Variants in PCDH9 observed in about 807,000 individuals in gnomAD.
PCDH9 encodes the protein protocadherin 9.
A neutral mutation model predicts 70.6 loss-of-function variants in PCDH9; 24 were observed. The ratio of observed to expected loss-of-function variants is 0.34; its 90% CI spans 0.25 to 0.48. PCDH9 has a LOEUF of 0.48. Ranked by LOEUF, PCDH9 falls within the 20% of genes least tolerant of loss-of-function variation. The pLI is 0.99. For synonymous variants in PCDH9, 562 were observed against 558.5 expected (o/e 1.01, Z -0.09); for missense variants, 1,281 against 1,503.6 (o/e 0.85, Z 2.45).
chr13:66,695,609 T>C (rs2078551784), intron 3 of PCDH9, among the ~76,000 whole-genome samples: 1 of 152,220 alleles, frequency 6.6e-6, no homozygotes, highest in African/African-American at 2.4e-5. Flanking sequence ...TACTGTGCTA[T>C]CCCTATCTTA....
chr13:66,547,388 A>G (rs1011287381), intron 4 of PCDH9, among the ~76,000 whole-genome samples: 2 of 152,196 alleles, frequency 1.3e-5, no homozygotes, highest in Admixed American at 1.3e-4. Flanking sequence ...GTTCAAATCA[A>G]CAGAGTCTAT....
intron 4 of PCDH9, among the ~76,000 whole-genome samples, chr13:66,337,078 T>G (rs1956049344): frequency 6.6e-6 from 1 of 152,014 alleles, no homozygotes; most frequent in Non-Finnish European, 1.5e-5. Context: ...GAATATAAAT[T>G]AACATCAGAT....
At chr13:66,449,664 C>T (rs922722188) in intron 4 of PCDH9, among the ~76,000 whole-genome samples, 1 of 152,056 alleles carries the variant, frequency 6.6e-6, no homozygotes, top group East Asian at 1.9e-4. Flanking sequence ...AAGATCAAGA[C>T]CCCGTTGGCA....
At chr13:67,107,021 G>T (rs952741658) in intron 2 of PCDH9, among the ~76,000 whole-genome samples, 2 of 152,144 alleles carry the variant, frequency 1.3e-5, no homozygotes, top group Non-Finnish European at 2.9e-5. Flanking sequence ...AACAGCCGGG[G>T]CACCATGGAC....
intron 2 of PCDH9, among the ~76,000 whole-genome samples, chr13:67,016,735 C>G (rs9540971): frequency 0.077 from 11,679 of 152,176 alleles, 612 homozygotes; most frequent in Non-Finnish European, 0.12. Context: ...GCACATTTGA[C>G]TTGTTTCATA....
intron 3 of PCDH9, among the ~76,000 whole-genome samples, chr13:66,728,974 T>A (rs1367956164): frequency 6.6e-6 from 1 of 152,096 alleles, no homozygotes; most frequent in Non-Finnish European, 1.5e-5. Flanking sequence ...TAATAATCAC[T>A]TAATTTTCAT....
intron 3 of PCDH9, among the ~76,000 whole-genome samples, chr13:66,659,520 C>T (rs10162277): frequency 0.57 from 85,523 of 150,716 alleles, 24,590 homozygotes; most frequent in African/African-American, 0.65. Context: ...TGTGGTTTAT[C>T]CCTCCACTTA....
chr13:67,073,049 A>G (rs2085800537), intron 2 of PCDH9, among the ~76,000 whole-genome samples: 1 of 152,202 alleles, frequency 6.6e-6, no homozygotes. Flanking sequence ...AACATGTTCA[A>G]TTGATTCGCT....
At chr13:66,706,292 T>C (rs907878470) in intron 3 of PCDH9, among the ~76,000 whole-genome samples, 2 of 152,230 alleles carry the variant, frequency 1.3e-5, no homozygotes, top group Non-Finnish European at 2.9e-5. Flanking sequence ...CTAGGCTAGA[T>C]TCATAAACTA....
intron 2 of PCDH9, among the ~76,000 whole-genome samples, chr13:67,105,315 A>C (rs1287800059): frequency 1.3e-5 from 2 of 152,186 alleles, no homozygotes; most frequent in African/African-American, 2.4e-5. Context: ...AATACTATGA[A>C]GCAAAGAAAT....
At chr13:66,449,197 C>CT (rs1958157220) in intron 4 of PCDH9, among the ~76,000 whole-genome samples, 1 of 152,064 alleles carries the variant, frequency 6.6e-6, no homozygotes, top group Admixed American at 6.6e-5. Flanking sequence ...CAATTAGCCA[C>CT]TAGTATTTGA....
At chr13:67,219,524 A>G (rs537821811) in intron 2 of PCDH9, 2 of 152,114 alleles carry the variant, frequency 1.3e-5, no homozygotes, top group African/African-American at 4.8e-5. Context: ...TGACTATGTC[A>G]AAGTCTATAA....
chr13:67,117,110 T>G (rs2086793354), intron 2 of PCDH9, among the ~76,000 whole-genome samples: 2 of 152,152 alleles, frequency 1.3e-5, no homozygotes, highest in Admixed American at 1.3e-4. Flanking sequence ...TGTAAAGAAT[T>G]TATGATACTG....
chr13:66,752,098 G>A (rs74093184), intron 3 of PCDH9, among the ~76,000 whole-genome samples: 2,322 of 152,222 alleles, frequency 0.015, 72 homozygotes, highest in African/African-American at 0.053. Context: ...CAAGGAAAGG[G>A]CATCGGTGGC....
intron 3 of PCDH9, among the ~76,000 whole-genome samples, chr13:66,875,076 T>C (rs111545638): frequency 2.0e-5 from 3 of 152,136 alleles, no homozygotes; most frequent in South Asian, 2.1e-4. Context: ...AAAAATAACT[T>C]CAGGCCACTA....
chr13:67,148,012 G>C (rs1243172906), intron 2 of PCDH9, among the ~76,000 whole-genome samples: 2 of 152,086 alleles, frequency 1.3e-5, no homozygotes, highest in African/African-American at 4.8e-5. Context: ...CTGCTATAAC[G>C]ATTTCATGTT....
chr13:66,494,238 C>CT (rs1365385968), intron 4 of PCDH9, among the ~76,000 whole-genome samples: 1 of 152,148 alleles, frequency 6.6e-6, no homozygotes, highest in African/African-American at 2.4e-5. Flanking sequence ...ATTTTCTATG[C>CT]TTTTAAGATG....
At chr13:66,604,569 A>C (rs528338493) in intron 4 of PCDH9, among the ~76,000 whole-genome samples, 2 of 152,134 alleles carry the variant, frequency 1.3e-5, no homozygotes, top group African/African-American at 4.8e-5. Flanking sequence ...TGTAATATGA[A>C]TCTAAATAAG....
intron 4 of PCDH9, among the ~76,000 whole-genome samples, chr13:66,446,574 C>T (rs1958094271): frequency 6.6e-6 from 1 of 152,000 alleles, no homozygotes; most frequent in South Asian, 2.1e-4. Flanking sequence ...GTTACTAGTT[C>T]TCTGTGCTGT....
Sources: allele counts gnomAD v4.1 joint callset (sites outside exome capture counted in the v4.1 genomes callset), GRCh38; gene constraint gnomAD v4.1.1; transcripts MANE v1.5; gene names NCBI Gene and HGNC (gene_info 2026-07-23, HGNC 2026-07-21).